Variants in FAM210A observed in about 807,000 individuals in gnomAD.
FAM210A encodes the protein family with sequence similarity 210 member A.
FAM210A carries 13 observed loss-of-function variants against 25.3 expected under a neutral mutation model. That is an observed-to-expected ratio of 0.51 (90% confidence interval 0.33 to 0.82). The LOEUF (loss-of-function observed/expected upper bound fraction) is 0.82, where lower values mean the gene tolerates loss of function less well. Among genes scored for constraint, FAM210A ranks in the 40% least tolerant of loss-of-function variants. FAM210A has a pLI of 0.02. For missense variants in FAM210A, 319 were observed against 323.2 expected (o/e 0.99, Z 0.10); for synonymous variants, 125 against 118.7 (o/e 1.05, Z -0.35).
At chr18:13,718,237 A>G (rs567135702) in intron 1 of FAM210A, among the ~76,000 whole-genome samples, 1 of 152,072 alleles carries the variant, frequency 6.6e-6, no homozygotes, top group East Asian at 1.9e-4. Flanking sequence ...ATACAAGCCT[A>G]CTCTCCTTAA....
chr18:13,667,666 C>T (rs563418669), intron 3 of FAM210A, among the ~76,000 whole-genome samples: 5 of 152,202 alleles, frequency 3.3e-5, no homozygotes, highest in South Asian at 4.2e-4. Flanking sequence ...TGCAGCGAAC[C>T]GAGATTGTAC....
intron 3 of FAM210A, among the ~76,000 whole-genome samples, chr18:13,667,661 C>T (rs370302951): frequency 1.1e-3 from 160 of 152,046 alleles, no homozygotes; most frequent in South Asian, 5.4e-3. Flanking sequence ...GAGGTTGCAG[C>T]GAACCGAGAT....
chr18:13,714,095 G>C (rs1601968092), intron 1 of FAM210A, among the ~76,000 whole-genome samples: 2 of 152,196 alleles, frequency 1.3e-5, no homozygotes, highest in South Asian at 4.1e-4. Flanking sequence ...CCTACCAAAG[G>C]GTGGACATTA....
Position 13,666,710 on chromosome 18 carries a change from C to T in FAM210A, c.589G>A (p.Ala197Thr). 1 of 1,608,980 alleles carries T rather than the reference C, an allele frequency of 6.2e-7. No individual in the cohort carries two copies. Residue 197 changes from alanine to threonine, a missense_variant, in exon 4 of 4, where the codon GCA (alanine) becomes ACA (threonine). Physicochemically the swap from Ala to Thr is moderately conservative, Grantham distance 58. Transcript: ENST00000651643. ...ALTAYALFKI[A>T]TPARYTVTLG... ...GTCACGGTATACCGAGCAGGTGTTG[C>T]AATCTTAAGCAAAAAGCAAACAGAG...
chr18:13,679,849 C>T (rs1208205026), intron 2 of FAM210A, among the ~76,000 whole-genome samples: 1 of 152,180 alleles, frequency 6.6e-6, no homozygotes, highest in Non-Finnish European at 1.5e-5. Flanking sequence ...CAGATGCCCA[C>T]AGCACTGAAG....
At chr18:13,702,187 C>A (rs1179533736) in intron 1 of FAM210A, among the ~76,000 whole-genome samples, 1 of 152,198 alleles carries the variant, frequency 6.6e-6, no homozygotes, top group Non-Finnish European at 1.5e-5. Flanking sequence ...GTAAGGCTTT[C>A]TTACCAGTCA....
At chr18:13,708,558 T>C (rs2043797930) in intron 1 of FAM210A, among the ~76,000 whole-genome samples, 1 of 152,308 alleles carries the variant, frequency 6.6e-6, no homozygotes, top group East Asian at 1.9e-4. Context: ...TTGTTATTAA[T>C]AAAACGTACT....
chr18:13,705,620 T>G (rs990268265), intron 1 of FAM210A, among the ~76,000 whole-genome samples: 2 of 152,076 alleles, frequency 1.3e-5, no homozygotes, highest in African/African-American at 4.8e-5. Context: ...TACAGGCGTG[T>G]GCCACCATGC....
intron 1 of FAM210A, among the ~76,000 whole-genome samples, chr18:13,688,626 G>A (rs147289052): frequency 2.6e-5 from 4 of 152,364 alleles, no homozygotes; most frequent in East Asian, 1.9e-4. Context: ...CCAAGTGTGG[G>A]TGCCCAAAAA....
At chr18:13,711,755 C>G (rs1031799271) in intron 1 of FAM210A, among the ~76,000 whole-genome samples, 13 of 152,102 alleles carry the variant, frequency 8.5e-5, no homozygotes, top group African/African-American at 3.1e-4. Flanking sequence ...ATTTATGTTT[C>G]CTGTCCAGAT....
chr18:13,671,814 TCAC>T (rs2043445215), intron 3 of FAM210A, 45 bp downstream of exon 3: 2 of 1,215,872 alleles, frequency 1.6e-6, no homozygotes, highest in African/African-American at 3.0e-5. Context: ...AGTGAGCAGG[TCAC>T]CACCAGTGAG....
At chr18:13,703,925 T>A (rs1053737880) in intron 1 of FAM210A, among the ~76,000 whole-genome samples, 10 of 152,206 alleles carry the variant, frequency 6.6e-5, no homozygotes, top group Non-Finnish European at 1.2e-4. Context: ...TTTAAGGTCA[T>A]AAACCACTTC....
intron 1 of FAM210A, among the ~76,000 whole-genome samples, chr18:13,708,462 C>A (rs1363234476): frequency 1.3e-5 from 2 of 152,174 alleles, no homozygotes; most frequent in Admixed American, 1.3e-4. Context: ...CCACTCTAAT[C>A]CTCTGTATTT....
intron 1 of FAM210A, among the ~76,000 whole-genome samples, chr18:13,718,164 CA>C (rs1178958200): frequency 6.6e-6 from 1 of 152,138 alleles, no homozygotes; most frequent in Non-Finnish European, 1.5e-5. Flanking sequence ...AACTGTGAGA[CA>C]ATAAACCTGT....
At position 13,666,408 on chromosome 18, in the gene FAM210A, C is replaced by G; in HGVS notation, c.*72G>C. The G allele has an allele frequency of 8.2e-7, 1 of 1,216,094 alleles. No homozygotes were observed. The highest frequency in any genetic ancestry group is 2.4e-5 in the East Asian group (1 of 41,756). 75.3% of individuals were successfully genotyped at this position (1,216,094 alleles called of 1,614,324 possible). On this transcript the variant is annotated 3_prime_UTR_variant, in exon 4 of 4. Transcript: ENST00000651643. The stretch of plus-strand genomic sequence containing the variant: ...GCAACTAACCAAAAAAATAATCAGA[C>G]ACATGTATCTTTGCCCATAGTTTCC...
At position 13,681,752 on chromosome 18, in the gene FAM210A, T is replaced by C. The variant is rs752763602; in HGVS notation, c.326A>G (p.Lys109Arg). Residue 109 changes from lysine to arginine, a missense_variant, in exon 2 of 4, where the codon AAG becomes AGG. Coordinates refer to ENST00000651643, the MANE Select transcript of FAM210A (RefSeq NM_152352.4). ...SATAQGTPEK[K>R]EEPDPLQDKS... ...GTCTTGCAAAGGATCAGGCTCTTCC[T>C]TTTTTTCCGGAGTTCCCTGAGCTGT... The C allele has an allele frequency of 6.2e-6, 10 of 1,613,746 alleles. No individual in the cohort carries two copies. Among genetic ancestry groups the C allele is most frequent in the Non-Finnish European group, 8.5e-6 (10 of 1,179,880 alleles).
chr18:13,717,110 T>A (rs2043867170), intron 1 of FAM210A, among the ~76,000 whole-genome samples: 1 of 152,172 alleles, frequency 6.6e-6, no homozygotes, highest in African/African-American at 2.4e-5. Context: ...AAGGCTGGGG[T>A]GGATAGAGAG....
intron 1 of FAM210A, among the ~76,000 whole-genome samples, chr18:13,692,404 C>A (rs2043653572): frequency 6.6e-6 from 1 of 152,162 alleles, no homozygotes; most frequent in African/African-American, 2.4e-5. Flanking sequence ...CCCAATGGAC[C>A]TAATAGACAT....
chr18:13,686,739 C>T (rs1787876), intron 1 of FAM210A, among the ~76,000 whole-genome samples: 135,648 of 152,276 alleles, frequency 0.89, 60,523 homozygotes, highest in East Asian at 0.95. Context: ...CTTTACTAAC[C>T]CTATATTCAT....
Sources: gnomAD v4.1 joint callset for allele counts (sites outside exome capture counted in the v4.1 genomes callset) on GRCh38, gnomAD v4.1.1 for gene constraint, MANE v1.5 for transcripts, NCBI Gene and HGNC (gene_info 2026-07-23, HGNC 2026-07-21) for gene names.